PHF21A: variants seen among roughly 807,000 people sequenced by gnomAD.
PHF21A encodes BHC80a.
Under a neutral mutation model 82.5 loss-of-function variants are expected in PHF21A, and 11 were observed. The observed-to-expected ratio is 0.13, with a 90% CI of 0.08 to 0.22. The LOEUF (loss-of-function observed/expected upper bound fraction) is 0.22. Among genes scored for constraint, PHF21A ranks in the 10% least tolerant of loss-of-function variants. The pLI is 1.00. For synonymous variants in PHF21A, 297 were observed against 302.8 expected (o/e 0.98, Z 0.20); for missense variants, 579 against 837.8 (o/e 0.69, Z 3.81).
chr11:46,091,036 G>A (rs1318312409), intron 2 of PHF21A, among the ~76,000 whole-genome samples: 1 of 152,104 alleles, frequency 6.6e-6, no homozygotes, highest in Non-Finnish European at 1.5e-5. Context: ...GGTTTAATGA[G>A]AGAAAGGCAA....
chr11:46,066,231 A>AG (rs1342079312), intron 6 of PHF21A, among the ~76,000 whole-genome samples: 2 of 152,298 alleles, frequency 1.3e-5, no homozygotes, highest in Middle Eastern at 3.4e-3. Context: ...GGAAGGACGA[A>AG]GGGATTTATG....
chr11:45,940,965 A>G (rs1194273740), intron 15 of PHF21A, among the ~76,000 whole-genome samples: 1 of 152,194 alleles, frequency 6.6e-6, no homozygotes, highest in East Asian at 1.9e-4. Flanking sequence ...TAAGTTCCCA[A>G]AGGAAACTTC....
intron 6 of PHF21A, among the ~76,000 whole-genome samples, chr11:46,034,495 T>TA (rs756528773): frequency 3.3e-5 from 5 of 152,172 alleles, no homozygotes; most frequent in Non-Finnish European, 7.3e-5. Context: ...CACTCCAAGA[T>TA]AAAAAGAACA....
chr11:45,971,090 C>T (rs371059162), intron 8 of PHF21A, 26 bp downstream of exon 8: 6 of 1,612,814 alleles, frequency 3.7e-6, no homozygotes, highest in African/African-American at 1.3e-5. Flanking sequence ...CATGTGATCA[C>T]ACATGAGGAG....
intron 2 of PHF21A, among the ~76,000 whole-genome samples, chr11:46,090,948 T>C (rs1383497109): frequency 1.3e-5 from 2 of 152,194 alleles, no homozygotes; most frequent in Non-Finnish European, 1.5e-5. Flanking sequence ...CTGGTATAAA[T>C]GGGTTAAGGT....
At chr11:45,972,036 G>A (rs1416250481) in intron 7 of PHF21A, among the ~76,000 whole-genome samples, 2 of 151,094 alleles carry the variant, frequency 1.3e-5, no homozygotes, top group Non-Finnish European at 2.9e-5. Flanking sequence ...TGAGTATATA[G>A]TAAATACCAG....
At chr11:46,067,417 T>A (rs2096607186) in intron 6 of PHF21A, among the ~76,000 whole-genome samples, 1 of 152,200 alleles carries the variant, frequency 6.6e-6, no homozygotes, top group South Asian at 2.1e-4. Context: ...TCTAGATGTA[T>A]CAAGTTTTCA....
chr11:46,004,015 T>A (rs1333678631), intron 6 of PHF21A, among the ~76,000 whole-genome samples: 1 of 152,198 alleles, frequency 6.6e-6, no homozygotes. Context: ...GTAAGTGATA[T>A]TTTTAGAAAA....
intron 1 of PHF21A, among the ~76,000 whole-genome samples, chr11:46,115,824 G>C (rs1325173315): frequency 6.6e-6 from 1 of 152,028 alleles, no homozygotes; most frequent in African/African-American, 2.4e-5. Context: ...AAAATACTAA[G>C]GATACAAAAT....
chr11:46,069,542 G>A (rs1406749571), intron 6 of PHF21A, among the ~76,000 whole-genome samples: 1 of 152,178 alleles, frequency 6.6e-6, no homozygotes, highest in Non-Finnish European at 1.5e-5. Context: ...CCAACACAAG[G>A]ACTATAGGAT....
At chr11:45,943,933 C>T (rs528757165) in intron 15 of PHF21A, among the ~76,000 whole-genome samples, 2 of 152,212 alleles carry the variant, frequency 1.3e-5, no homozygotes, top group African/African-American at 2.4e-5. Context: ...ACAATCCAAA[C>T]GGAGAGGCAT....
chr11:45,976,180 T>C (rs2094013401), intron 7 of PHF21A, among the ~76,000 whole-genome samples: 1 of 152,168 alleles, frequency 6.6e-6, no homozygotes, highest in South Asian at 2.1e-4. Context: ...GCCATCCTTT[T>C]GTTCATACTA....
chr11:46,120,152 C>G (rs868619168), intron 1 of PHF21A, among the ~76,000 whole-genome samples: 1 of 150,100 alleles, frequency 6.7e-6, no homozygotes, highest in Non-Finnish European at 1.5e-5. Flanking sequence ...CACACAAACA[C>G]ACACACTGGG....
At position 45,933,581 on chromosome 11, in the gene PHF21A, A is replaced by C. The variant is rs1200207243; in HGVS notation, c.*387T>G. ...AACGGCTCGGCAAGTAAGGATCTGA[A>C]ACCTGCTCTCCTCCCTCCGCCCGTC... On this transcript the variant is annotated 3_prime_UTR_variant, in exon 19 of 19. Transcript: ENST00000676320. 1.7e-5 allele frequency: 3 copies of C among 171,742 alleles called. No individual in the cohort carries two copies. Among genetic ancestry groups the C allele is most frequent in the Non-Finnish European group, 3.7e-5 (3 of 81,226 alleles). The allele number at this position is 171,742 out of a possible 1,614,324, so 10.6% of individuals were successfully genotyped here. A position where few individuals can be genotyped will look rare whatever the true frequency, so the allele number is the denominator to read the frequency against.
At chr11:45,946,629 C>T (rs1366594926) in intron 14 of PHF21A, among the ~76,000 whole-genome samples, 4 of 152,170 alleles carry the variant, frequency 2.6e-5, no homozygotes, top group Non-Finnish European at 4.4e-5. Flanking sequence ...CCCATCTTGG[C>T]CTCCCAAAGT....
intron 1 of PHF21A, among the ~76,000 whole-genome samples, chr11:46,119,397 A>T (rs918101862): frequency 6.6e-5 from 10 of 152,254 alleles, no homozygotes; most frequent in African/African-American, 2.2e-4. Flanking sequence ...TCCCAGAGAC[A>T]TCATTTTAAA....
Position 45,951,115 on chromosome 11 carries a change from T to C in PHF21A, c.1096-858A>G, listed in dbSNP as rs529570971. On this transcript the variant is annotated intron_variant, in intron 11 of 18. Transcript: ENST00000676320. ...ACAAATTGATTTCTATTCTTTTCTT[T>C]GCTTGCATGTGGTCTGAAAAGTGTG... 9.2e-5 allele frequency among the ~76,000 whole-genome samples: 14 copies of C among 152,370 alleles called. No homozygotes were observed. The East Asian group carries it at 2.7e-3, about 29-fold the overall frequency.
chr11:45,981,587 A>G (rs1422679583), intron 6 of PHF21A, among the ~76,000 whole-genome samples: 1 of 152,108 alleles, frequency 6.6e-6, no homozygotes, highest in Non-Finnish European at 1.5e-5. Context: ...CATTCCTCTC[A>G]TATCTCATAC....
At chr11:45,973,849 C>T (rs887212789) in intron 7 of PHF21A, among the ~76,000 whole-genome samples, 1 of 152,176 alleles carries the variant, frequency 6.6e-6, no homozygotes, top group Non-Finnish European at 1.5e-5. Context: ...TCAGAACTCA[C>T]TGACATGGAT....
Sources: gnomAD v4.1 joint callset for allele counts (sites outside exome capture counted in the v4.1 genomes callset) on GRCh38, gnomAD v4.1.1 for gene constraint, MANE v1.5 for transcripts, NCBI Gene and HGNC (gene_info 2026-07-23, HGNC 2026-07-21) for gene names.